PTPN4: variants seen among roughly 807,000 people sequenced by gnomAD.
PTPN4 encodes tyrosine-protein phosphatase non-receptor type 4.
In PTPN4, 49 loss-of-function variants were observed where a neutral mutation model predicts 135.5. The ratio of observed to expected loss-of-function variants is 0.36; its 90% CI spans 0.29 to 0.46. The LOEUF is 0.46. Ranked by LOEUF, PTPN4 falls within the 20% of genes least tolerant of loss-of-function variation. The probability of loss-of-function intolerance (pLI) is 1.00; values close to 1 mark genes in which losing one functional copy is unlikely to be tolerated. For missense variants in PTPN4, 860 were observed against 1,101.0 expected, an observed-to-expected ratio of 0.78 and a Z score of 3.10; for synonymous variants, 333 against 369.9, an observed-to-expected ratio of 0.90 and a Z score of 1.14.
At chr2:119,841,531 C>A (rs1473530303) in intron 2 of PTPN4, among the ~76,000 whole-genome samples, 2 of 152,088 alleles carry the variant, frequency 1.3e-5, no homozygotes, top group African/African-American at 2.4e-5. Flanking sequence ...TTTTCTGTTA[C>A]AATGAAGCAG....
In PTPN4 at chr2:119,911,371, A is replaced by G. The variant is rs72838985; in HGVS notation, c.765-3808A>G. 6.9e-3 allele frequency among the ~76,000 whole-genome samples: 1,054 copies of G among 152,272 alleles called. 7 individuals carry two copies. The highest frequency in any genetic ancestry group is 0.012 in the Non-Finnish European group (785 of 68,002). ...ATCTGAAAGTCAGTCAGTATAATTA[A>G]CCATACTGTTATAATAACATAGAAA... On this transcript the variant is annotated intron_variant, in intron 10 of 26. Transcript: ENST00000263708.
chr2:119,847,946 A>G (rs1048164608), intron 2 of PTPN4, among the ~76,000 whole-genome samples: 3 of 151,780 alleles, frequency 2.0e-5, no homozygotes, highest in East Asian at 1.9e-4. Flanking sequence ...TCAGCTATTC[A>G]TGTTTTTGGA....
chr2:119,809,086 T>G (rs1399435864), intron 1 of PTPN4, among the ~76,000 whole-genome samples: 1 of 151,192 alleles, frequency 6.6e-6, no homozygotes, highest in African/African-American at 2.4e-5. Context: ...GTTTTAAGAG[T>G]TTTTTTTTCT....
chr2:119,882,647 T>C (rs2105002739), intron 8 of PTPN4, 24 bp downstream of exon 8: 1 of 1,468,296 alleles, frequency 6.8e-7, no homozygotes, highest in Non-Finnish European at 9.2e-7. Flanking sequence ...AGTTTTTTAT[T>C]TGATAAACTT....
intron 2 of PTPN4, among the ~76,000 whole-genome samples, chr2:119,847,485 G>C (rs1048021852): frequency 6.6e-6 from 1 of 151,578 alleles, no homozygotes. Context: ...GCACTACCAC[G>C]CCCAGCTAAT....
intron 2 of PTPN4, among the ~76,000 whole-genome samples, chr2:119,827,216 A>G (rs1239550445): frequency 6.6e-6 from 1 of 152,206 alleles, no homozygotes. Flanking sequence ...CACAATGGAT[A>G]AATAGGTATA....
At chr2:119,814,796 A>G (rs1676963037) in intron 2 of PTPN4, among the ~76,000 whole-genome samples, 1 of 152,196 alleles carries the variant, frequency 6.6e-6, no homozygotes, top group African/African-American at 2.4e-5. Context: ...TTAAATACCA[A>G]ACTTTAAAAA....
chr2:119,954,330 A>C (rs1275372984), intron 19 of PTPN4, among the ~76,000 whole-genome samples: 1 of 152,164 alleles, frequency 6.6e-6, no homozygotes, highest in Non-Finnish European at 1.5e-5. Context: ...TAGGACCAAA[A>C]GGACATGCCA....
chr2:119,898,587 C>A lies in PTPN4; in HGVS notation c.676-2131C>A, dbSNP rs1373858248. Among the ~76,000 whole-genome samples the A allele has an allele frequency of 3.3e-5, 5 of 152,224 alleles. No homozygotes were observed. In the East Asian group the frequency reaches 9.7e-4, roughly 29 times the overall value. On this transcript the variant is annotated intron_variant, in intron 9 of 26. Transcript: ENST00000263708. ...CCTAAGAATCCAATAAATAGCTCTACTCTCTGTTACTTGGGTTCTAGTGAA... is the reference window on the plus strand; with the variant it reads ...CCTAAGAATCCAATAAATAGCTCTAATCTCTGTTACTTGGGTTCTAGTGAA...
intron 12 of PTPN4, among the ~76,000 whole-genome samples, chr2:119,921,746 A>C (rs1351261118): frequency 6.6e-6 from 1 of 152,172 alleles, no homozygotes; most frequent in Non-Finnish European, 1.5e-5. Context: ...GGAAAAAGCA[A>C]AGAGCCTTAC....
chr2:119,773,700 C>A (rs779254722), intron 1 of PTPN4, among the ~76,000 whole-genome samples: 3 of 146,744 alleles, frequency 2.0e-5, no homozygotes, highest in Non-Finnish European at 4.5e-5. Flanking sequence ...CGCACCACTG[C>A]ACTCCAGCCT....
chr2:119,767,139 C>T (rs1246935683), intron 1 of PTPN4, among the ~76,000 whole-genome samples: 4 of 152,198 alleles, frequency 2.6e-5, no homozygotes, highest in East Asian at 3.9e-4. Flanking sequence ...TGGAACACCT[C>T]GTGCTTGGCT....
intron 1 of PTPN4, among the ~76,000 whole-genome samples, chr2:119,788,014 C>T (rs927253618): frequency 6.6e-6 from 1 of 152,078 alleles, no homozygotes; most frequent in Non-Finnish European, 1.5e-5. Flanking sequence ...CTTTATGCCT[C>T]TTCATGCAAC....
At chr2:119,838,466 T>A (rs1677329262) in intron 2 of PTPN4, among the ~76,000 whole-genome samples, 1 of 152,238 alleles carries the variant, frequency 6.6e-6, no homozygotes, top group Non-Finnish European at 1.5e-5. Flanking sequence ...TATTTTCCCC[T>A]GCTGCAGGTC....
intron 18 of PTPN4, among the ~76,000 whole-genome samples, chr2:119,950,979 G>C (rs1248953461): frequency 6.6e-6 from 1 of 152,116 alleles, no homozygotes; most frequent in Non-Finnish European, 1.5e-5. Context: ...GAAAAAAATA[G>C]TAAAGCTAAT....
chr2:119,847,188 AT>A (rs1027080116), intron 2 of PTPN4, among the ~76,000 whole-genome samples: 52 of 146,918 alleles, frequency 3.5e-4, no homozygotes, highest in Non-Finnish European at 5.1e-4. Context: ...ATATAAAAAA[AT>A]ATATAGAGTA....
chr2:119,935,426 T>A (rs1205165288), intron 15 of PTPN4, among the ~76,000 whole-genome samples: 1 of 152,122 alleles, frequency 6.6e-6, no homozygotes, highest in Non-Finnish European at 1.5e-5. Context: ...GTGTAAGATA[T>A]AGTGAGTGCG....
At chr2:119,763,653 T>TCAA (rs1452332034) in intron 1 of PTPN4, among the ~76,000 whole-genome samples, 1 of 152,240 alleles carries the variant, frequency 6.6e-6, no homozygotes, top group Non-Finnish European at 1.5e-5. Flanking sequence ...CTTTTTTCCT[T>TCAA]CAACTTTATT....
In PTPN4 at chr2:119,919,236, T is replaced by C. The variant is rs192353417; in HGVS notation, c.829-833T>C. On this transcript the variant is annotated intron_variant, in intron 11 of 26. Coordinates refer to ENST00000263708, the MANE Select transcript of PTPN4 (RefSeq NM_002830.4). ...TGGTTTACTTTAAGGAAATTATTTA[T>C]TTAGAAATTTGTACCAGTTTTCAAG... Among the ~76,000 whole-genome samples, 31 of 152,334 alleles carry C rather than the reference T, an allele frequency of 2.0e-4. No homozygotes were observed. The East Asian group carries it at 5.8e-3, about 28-fold the overall frequency.
Sources: allele counts gnomAD v4.1 joint callset (sites outside exome capture counted in the v4.1 genomes callset), GRCh38; gene constraint gnomAD v4.1.1; transcripts MANE v1.5; gene names NCBI Gene and HGNC (gene_info 2026-07-23, HGNC 2026-07-21).